RBPMS2: variants seen among roughly 807,000 people sequenced by gnomAD.
The protein encoded by RBPMS2 is RNA binding protein, mRNA processing factor 2, also known as RNA-binding protein with multiple splicing 2.
A neutral mutation model predicts 25.7 loss-of-function variants in RBPMS2; 14 were observed. The ratio of observed to expected loss-of-function variants is 0.55; its 90% confidence interval spans 0.36 to 0.85. The LOEUF (loss-of-function observed/expected upper bound fraction) is 0.85, where lower values mean the gene tolerates loss of function less well. RBPMS2 is among the 40% of genes least tolerant of loss of function. RBPMS2 has a pLI of 0.01. For synonymous variants in RBPMS2, 127 were observed against 115.6 expected (o/e 1.10, Z -0.63); for missense variants, 252 against 283.4 (o/e 0.89, Z 0.80).
intron 1 of RBPMS2, among the ~76,000 whole-genome samples, chr15:64,765,145 T>C (rs563889869): frequency 1.5e-5 from 2 of 132,346 alleles, no homozygotes; most frequent in African/African-American, 2.9e-5. Flanking sequence ...AAGAATGACA[T>C]GAACCCATGA....
intron 1 of RBPMS2, among the ~76,000 whole-genome samples, chr15:64,770,457 C>T (rs1004308814): frequency 6.6e-6 from 1 of 152,178 alleles, no homozygotes; most frequent in African/African-American, 2.4e-5. Context: ...TATAACAATG[C>T]CTGGCATAAA....
At chr15:64,754,669 C>G (rs1025949059) in intron 1 of RBPMS2, among the ~76,000 whole-genome samples, 6 of 151,238 alleles carry the variant, frequency 4.0e-5, no homozygotes, top group African/African-American at 1.5e-4. Context: ...GCCCACTGCA[C>G]TCCAGCCTGA....
chr15:64,743,291 T>C (rs1179043037), intron 6 of RBPMS2, among the ~76,000 whole-genome samples: 1 of 152,222 alleles, frequency 6.6e-6, no homozygotes, highest in Non-Finnish European at 1.5e-5. Flanking sequence ...GCCCTCAGCA[T>C]ATCTGCTGGA....
In RBPMS2 at chr15:64,763,419, C is replaced by T. The variant is rs981007399; in HGVS notation, c.88-11781G>A. Among the ~76,000 whole-genome samples, 5 of 152,146 alleles carry T rather than the reference C, an allele frequency of 3.3e-5. No individual in the cohort carries two copies. In the South Asian group the frequency reaches 6.2e-4, roughly 19 times the overall value. ...GCAAGAAGCCCCCATCTAGAGGACA[C>T]TTGGCCCCAGAGTTTACCAGTGTCA... On this transcript the variant is annotated intron_variant, in intron 1 of 7. Transcript: ENST00000300069.
intron 1 of RBPMS2, among the ~76,000 whole-genome samples, chr15:64,753,299 C>T (rs1158422341): frequency 6.6e-6 from 1 of 152,156 alleles, no homozygotes; most frequent in Non-Finnish European, 1.5e-5. Context: ...CATTAAGTTG[C>T]CCTACAGTGG....
chr15:64,758,345 C>A (rs151301992), intron 1 of RBPMS2, among the ~76,000 whole-genome samples: 8 of 152,340 alleles, frequency 5.3e-5, no homozygotes, highest in African/African-American at 1.9e-4. Flanking sequence ...GCTGGGAGCA[C>A]AGTCAGGTCC....
At chr15:64,763,812 G>C (rs1429093916) in intron 1 of RBPMS2, among the ~76,000 whole-genome samples, 2 of 150,242 alleles carry the variant, frequency 1.3e-5, no homozygotes, top group East Asian at 2.0e-4. Flanking sequence ...GTGTGTGTAG[G>C]GGTGGGGGGA....
intron 1 of RBPMS2, among the ~76,000 whole-genome samples, chr15:64,767,893 C>T (rs1466715599): frequency 6.6e-6 from 1 of 152,166 alleles, no homozygotes; most frequent in Non-Finnish European, 1.5e-5. Context: ...GTCTTGAACT[C>T]CCAGGCTCAA....
At chr15:64,768,258 C>T (rs1313926191) in intron 1 of RBPMS2, among the ~76,000 whole-genome samples, 2 of 152,270 alleles carry the variant, frequency 1.3e-5, no homozygotes, top group East Asian at 3.9e-4. Context: ...TCTGTAACCC[C>T]AGCAGTTTGG....
Position 64,749,061 on chromosome 15 carries a change from T to A in RBPMS2, c.357A>T (p.Ala119=). 6.2e-7 allele frequency: 1 copy of A among 1,614,180 alleles called. No homozygotes were observed. Among genetic ancestry groups the A allele is most frequent in the Non-Finnish European group, 8.5e-7 (1 of 1,180,028 alleles). The change falls in exon 5 of 8, where the codon GCA becomes GCT. Residue 119 remains alanine (A), a synonymous_variant. Transcript: ENST00000300069. ...GGTGCACGTTGCTGGGATTTGGAGTTGCCATTAGCTTGCTCTTGGCCATCT... is the reference window on the plus strand; with the variant it reads ...GGTGCACGTTGCTGGGATTTGGAGTAGCCATTAGCTTGCTCTTGGCCATCT... The part of the protein sequence containing the change: ...NTKMAKSKLM[A]TPNPSNVHPA...
intron 1 of RBPMS2, among the ~76,000 whole-genome samples, chr15:64,768,840 T>G (rs1465539869): frequency 6.7e-6 from 1 of 149,012 alleles, no homozygotes; most frequent in African/African-American, 2.5e-5. Context: ...GTGGCTCATG[T>G]CTGTAATCCC....
Position 64,740,584 on chromosome 15 carries a change from T to C in RBPMS2, c.*424A>G, listed in dbSNP as rs1460746568. The C allele has an allele frequency of 6.5e-6, 1 of 152,930 alleles. No individual in the cohort carries two copies. Among genetic ancestry groups the C allele is most frequent in the East Asian group, 1.9e-4 (1 of 5,202 alleles). 9.5% of individuals were successfully genotyped at this position (152,930 alleles called of 1,614,324 possible). A position where few individuals can be genotyped will look rare whatever the true frequency, so the allele number is the denominator to read the frequency against. On this transcript the variant is annotated 3_prime_UTR_variant, in exon 8 of 8. Coordinates refer to ENST00000300069, the MANE Select transcript of RBPMS2 (RefSeq NM_194272.3). ...CACTGGGAGCCAGGACCTGTCGCTA[T>C]GGTGACAGTGTGAGAACAAACTGTA... is the stretch of plus-strand genomic sequence containing the variant.
chr15:64,747,138 G>T (rs532616502), intron 6 of RBPMS2, among the ~76,000 whole-genome samples: 1 of 152,260 alleles, frequency 6.6e-6, no homozygotes, highest in African/African-American at 2.4e-5. Context: ...AAGAGCGCCA[G>T]GGTTAACCAC....
rs148166553 is a variant in RBPMS2, at chr15:64,748,044, T to C, written c.567+375A>G. Among the ~76,000 whole-genome samples, 185 of 151,668 alleles carry C rather than the reference T, an allele frequency of 1.2e-3. 4 individuals carry two copies. The East Asian group carries it at 0.03, about 25-fold the overall frequency. ...GGCACAGCAATCTGTAAGAGCTTGA[T>C]GAAAGGGACAGGAAGGGGCAGAGGC... On this transcript the variant is annotated intron_variant, in intron 6 of 7. Coordinates refer to ENST00000300069, the MANE Select transcript of RBPMS2 (RefSeq NM_194272.3).
intron 1 of RBPMS2, among the ~76,000 whole-genome samples, chr15:64,769,724 T>C (rs183383193): frequency 1.2e-4 from 19 of 152,248 alleles, no homozygotes; most frequent in Non-Finnish European, 2.2e-4. Context: ...CTTCGTGCAA[T>C]GGCAACTCTA....
intron 1 of RBPMS2, among the ~76,000 whole-genome samples, chr15:64,767,198 C>G (rs1394127997): frequency 6.6e-6 from 1 of 152,000 alleles, no homozygotes; most frequent in African/African-American, 2.4e-5. Flanking sequence ...TTCCCGGGCT[C>G]AAGCGATCCT....
At chr15:64,743,061 C>T (rs1298530443) in intron 6 of RBPMS2, among the ~76,000 whole-genome samples, 3 of 152,228 alleles carry the variant, frequency 2.0e-5, no homozygotes, top group African/African-American at 7.2e-5. Context: ...GAGAAGCCGG[C>T]GGCTGGCACC....
At chr15:64,743,925 C>T (rs141682680) in intron 6 of RBPMS2, among the ~76,000 whole-genome samples, 10 of 151,874 alleles carry the variant, frequency 6.6e-5, no homozygotes, top group African/African-American at 2.2e-4. Flanking sequence ...GCCACCATTA[C>T]GAAACCCCGT....
chr15:64,743,026 G>A (rs1420909501), intron 6 of RBPMS2, among the ~76,000 whole-genome samples: 3 of 152,220 alleles, frequency 2.0e-5, no homozygotes, highest in East Asian at 1.9e-4. Flanking sequence ...AGGGACACAC[G>A]AGGAAACGAG....
Sources: allele counts gnomAD v4.1 joint callset (sites outside exome capture counted in the v4.1 genomes callset), GRCh38; gene constraint gnomAD v4.1.1; transcripts MANE v1.5; gene names NCBI Gene and HGNC (gene_info 2026-07-23, HGNC 2026-07-21).